The following CFLAR variants were observed in gnomAD, a reference collection of about 807,000 sequenced individuals.
CFLAR encodes the protein CASP8 and FADD-like apoptosis regulator.
Under a neutral mutation model 51.1 loss-of-function variants are expected in CFLAR, and 14 were observed. The ratio of observed to expected loss-of-function variants is 0.27; its 90% CI spans 0.18 to 0.43. The LOEUF (loss-of-function observed/expected upper bound fraction) is 0.43, where lower values mean the gene tolerates loss of function less well. Ranked by LOEUF, CFLAR falls within the 20% of genes least tolerant of loss-of-function variation. CFLAR has a pLI of 1.00. For synonymous variants in CFLAR, 210 were observed against 211.6 expected (o/e 0.99, Z 0.06); for missense variants, 390 against 566.5 (o/e 0.69, Z 3.16).
intron 8 of CFLAR, among the ~76,000 whole-genome samples, chr2:201,158,846 C>A (rs1942607882): frequency 9.8e-6 from 1 of 102,368 alleles, no homozygotes; most frequent in Non-Finnish European, 2.2e-5. Flanking sequence ...CGGCATTTGC[C>A]CTCATCATTA....
chr2:201,153,921 T>C (rs1477176977), intron 8 of CFLAR, among the ~76,000 whole-genome samples: 1 of 145,026 alleles, frequency 6.9e-6, no homozygotes, highest in Non-Finnish European at 1.5e-5. Context: ...TTTTTTTTTT[T>C]TTTTGACAGA....
intron 8 of CFLAR, chr2:201,154,363 A>G (rs144899216): frequency 7.7e-4 from 121 of 157,434 alleles, no homozygotes; most frequent in African/African-American, 2.6e-3. Context: ...TGCTACGATT[A>G]CAGGCGTCAG....
intron 8 of CFLAR, among the ~76,000 whole-genome samples, chr2:201,155,825 A>C (rs917386557): frequency 6.6e-6 from 1 of 152,008 alleles, no homozygotes; most frequent in Non-Finnish European, 1.5e-5. Flanking sequence ...GGGTCTCACT[A>C]TGTTGCCCAG....
At position 201,166,595 on chromosome 2, in the gene CFLAR, C is replaced by T; in HGVS notation, c.*2622C>T. On this transcript the variant is annotated 3_prime_UTR_variant, in exon 10 of 10. Coordinates refer to ENST00000309955, the MANE Select transcript of CFLAR (RefSeq NM_003879.7). ...CCGGGCAGAAGCTGTAATCTCGGCA[C>T]CCTGGGGGGCCAAGGCAGGCGGCTG... The T allele has an allele frequency of 5.5e-6, 1 of 180,634 alleles. No individual in the cohort carries two copies. Among genetic ancestry groups the T allele is most frequent in the South Asian group, 9.5e-5 (1 of 10,504 alleles). 11.2% of individuals were successfully genotyped at this position (180,634 alleles called of 1,614,324 possible).
Position 201,118,687 on chromosome 2 carries a change from G to A in CFLAR, c.-138+2206G>A, listed in dbSNP as rs1039241583. 3 of 152,254 alleles carry A rather than the reference G, an allele frequency of 2.0e-5. No individual in the cohort carries two copies. Among genetic ancestry groups the A allele is most frequent in the African/African-American group, 7.2e-5 (3 of 41,452 alleles). The allele number at this position is 152,254 out of a possible 1,614,324, so 9.4% of individuals were successfully genotyped here. On this transcript the variant is annotated intron_variant, in intron 1 of 9. Coordinates refer to ENST00000309955, the MANE Select transcript of CFLAR (RefSeq NM_003879.7). This position sits in a 1 kb window ranked among gnomAD's most constrained non-coding sequence, Gnocchi z 5.1. ...GTAACATTTCAGCCGGTGGGTGGCG[G>A]GGATTAGGCGTGAAGCGGTTCAGCA...
At chr2:201,140,327 T>G in intron 4 of CFLAR, 30 bp from the exon 5 acceptor site, 1 of 1,588,010 alleles carries the variant, frequency 6.3e-7, no homozygotes, top group Non-Finnish European at 8.6e-7. Flanking sequence ...TTGTAAGTTT[T>G]AACTCAGTAC....
At position 201,167,979 on chromosome 2, in the gene CFLAR, C is replaced by T. The variant is rs886581590; in HGVS notation, c.*4006C>T. The T allele has an allele frequency of 6.6e-6, 1 of 152,272 alleles. No individual in the cohort carries two copies. The highest frequency in any genetic ancestry group is 2.1e-4 in the South Asian group (1 of 4,838). 9.4% of individuals were successfully genotyped at this position (152,272 alleles called of 1,614,324 possible). A position where few individuals can be genotyped will look rare whatever the true frequency, so the allele number is the denominator to read the frequency against. ...TGTTTGGAGGCCGGGTGCGGTGGCT[C>T]ACGCCTATAATCCCAGCCCTTTGGG... On this transcript the variant is annotated 3_prime_UTR_variant, in exon 10 of 10. Transcript: ENST00000309955.
chr2:201,167,815 G>A lies in CFLAR; in HGVS notation c.*3842G>A, dbSNP rs188884306. ...AAGAAGCCTTGTTGGATGAGGGCACGAAGGAGCAGAATCACTGGAATCACT... is the reference window on the plus strand; with the variant it reads ...AAGAAGCCTTGTTGGATGAGGGCACAAAGGAGCAGAATCACTGGAATCACT... On this transcript the variant is annotated 3_prime_UTR_variant, in exon 10 of 10. Transcript: ENST00000309955. 4 of 152,254 alleles carry A rather than the reference G, an allele frequency of 2.6e-5. No homozygotes were observed. Among genetic ancestry groups the A allele is most frequent in the Admixed American group, 6.5e-5 (1 of 15,282 alleles). The allele number at this position is 152,254 out of a possible 1,614,324, so 9.4% of individuals were successfully genotyped here.
Position 201,138,775 on chromosome 2 carries a change from A to G in CFLAR, c.524-1582A>G, listed in dbSNP as rs1180698649. ...TCACTGGCCTGGAACTCTGGGGTGC[A>G]GTTGTGGTGAATGAAACCAGTACCT... On this transcript the variant is annotated intron_variant, in intron 4 of 9. Transcript: ENST00000309955. This position sits in a 1 kb window ranked among gnomAD's most constrained non-coding sequence, Gnocchi z 4.0. 7 of 767,986 alleles carry G rather than the reference A, an allele frequency of 9.1e-6. No homozygotes were observed. The highest frequency in any genetic ancestry group is 9.5e-6 in the Non-Finnish European group (4 of 418,876). 47.6% of individuals were successfully genotyped at this position (767,986 alleles called of 1,614,324 possible). A position where few individuals can be genotyped will look rare whatever the true frequency, so the allele number is the denominator to read the frequency against.
At chr2:201,161,928 G>A (rs1943083302) in intron 9 of CFLAR, among the ~76,000 whole-genome samples, 1 of 151,460 alleles carries the variant, frequency 6.6e-6, no homozygotes, top group Non-Finnish European at 1.5e-5. Flanking sequence ...TGTATTTTTA[G>A]TGGAGACAGG....
intron 9 of CFLAR, chr2:201,163,595 G>T (rs1943270519): frequency 6.9e-6 from 9 of 1,310,028 alleles, no homozygotes; most frequent in East Asian, 3.3e-5. Context: ...ATCCACGTGG[G>T]TTATCATCTG....
At chr2:201,129,057 C>T (rs1476318419) in intron 1 of CFLAR, among the ~76,000 whole-genome samples, 1 of 152,166 alleles carries the variant, frequency 6.6e-6, no homozygotes, top group Non-Finnish European at 1.5e-5. Flanking sequence ...CTCCATGGGG[C>T]TCAGGGTCTG....
chr2:201,145,352 T>A (rs750797785), intron 5 of CFLAR, 26 bp from the exon 6 acceptor site: 1 of 1,452,398 alleles, frequency 6.9e-7, no homozygotes, highest in Admixed American at 1.7e-5. Context: ...TAACAGGAAG[T>A]ATGACCTTAT....
intron 4 of CFLAR, chr2:201,137,651 AT>A: frequency 1.3e-6 from 1 of 759,362 alleles, no homozygotes; most frequent in Non-Finnish European, 2.4e-6. Flanking sequence ...GGGCCCCGAT[AT>A]CCTGGCAGCC....
At chr2:201,137,978 G>C (rs938247779) in intron 4 of CFLAR, 23 of 748,942 alleles carry the variant, frequency 3.1e-5, no homozygotes, top group Admixed American at 3.6e-5. Flanking sequence ...CATCGGCTAT[G>C]ATGGGCACAC....
At chr2:201,135,424 G>A (rs558411168) in intron 3 of CFLAR, among the ~76,000 whole-genome samples, 2 of 152,202 alleles carry the variant, frequency 1.3e-5, no homozygotes, top group Admixed American at 6.5e-5. Flanking sequence ...CATGGCACAC[G>A]TGTCTCTCTG....
Position 201,168,289 on chromosome 2 carries a change from G to A in CFLAR, c.*4316G>A, listed in dbSNP as rs1464635773. 6.6e-6 allele frequency: 1 copy of A among 152,076 alleles called. No individual in the cohort carries two copies. The highest frequency in any genetic ancestry group is 2.4e-5 in the African/African-American group (1 of 41,396). 9.4% of individuals were successfully genotyped at this position (152,076 alleles called of 1,614,324 possible). ...AATAAATAAAATGTTTGGAATGTTG[G>A]CTTCATCCCTGGGATGCAAGGCTGG... On this transcript the variant is annotated 3_prime_UTR_variant, in exon 10 of 10. Transcript: ENST00000309955.
intron 2 of CFLAR, 41 bp downstream of exon 2, chr2:201,130,187 G>GGGGGGGGGTGGGGGGGA: frequency 3.4e-6 from 1 of 292,394 alleles, no homozygotes; most frequent in Non-Finnish European, 7.1e-6. Context: ...GGGTGGGAGG[G>GGGGGGGGGTGGGGGGGA]AGTGAAGTGT....
At chr2:201,155,717 G>A (rs781571871) in intron 8 of CFLAR, among the ~76,000 whole-genome samples, 14 of 151,854 alleles carry the variant, frequency 9.2e-5, no homozygotes, top group Admixed American at 6.6e-4. Flanking sequence ...TTCACCTCCC[G>A]GGCTCAAGCA....
Sources: gnomAD v4.1 joint callset for allele counts (sites outside exome capture counted in the v4.1 genomes callset) on GRCh38, gnomAD v4.1.1 for gene constraint, Gnocchi (gnomAD v3.1) non-coding constraint, MANE v1.5 for transcripts, NCBI Gene and HGNC (gene_info 2026-07-23, HGNC 2026-07-21) for gene names.